Variants in TMC1 observed in about 807,000 individuals in gnomAD.
TMC1 encodes transmembrane channel-like protein 1.
TMC1 carries 84 observed loss-of-function variants against 105.8 expected under a neutral mutation model. That is an observed-to-expected ratio of 0.79 (90% CI 0.67 to 0.95). TMC1 has a LOEUF of 0.95. Ranked by LOEUF, TMC1 falls within the 40% of genes least tolerant of loss-of-function variation. The pLI is 0.00. For missense variants in TMC1, 817 were observed against 914.1 expected (o/e 0.89, Z 1.37); for synonymous variants, 315 against 311.5 (o/e 1.01, Z -0.12).
chr9:72,767,873 G>A (rs925882480), intron 12 of TMC1, among the ~76,000 whole-genome samples: 5 of 152,216 alleles, frequency 3.3e-5, no homozygotes, highest in East Asian at 1.9e-4. Flanking sequence ...ACTTCCAGAT[G>A]TCTGCTGCTG....
At chr9:72,551,298 T>C (rs553130251) in intron 1 of TMC1, among the ~76,000 whole-genome samples, 3 of 152,340 alleles carry the variant, frequency 2.0e-5, no homozygotes, top group South Asian at 4.1e-4. Flanking sequence ...AGGAAACTTA[T>C]ATAGTGGGCC....
chr9:72,760,659 AT>A (rs1388923325), intron 12 of TMC1, among the ~76,000 whole-genome samples: 5 of 152,148 alleles, frequency 3.3e-5, no homozygotes, highest in African/African-American at 1.2e-4. Context: ...GACAGACTAT[AT>A]AGAGGTAAGT....
At chr9:72,782,496 A>G (rs1828109652) in intron 13 of TMC1, among the ~76,000 whole-genome samples, 1 of 152,184 alleles carries the variant, frequency 6.6e-6, no homozygotes, top group African/African-American at 2.4e-5. Flanking sequence ...AAGGCACGCA[A>G]ATAGGAAGAG....
chr9:72,552,472 G>T (rs534452000), intron 1 of TMC1, among the ~76,000 whole-genome samples: 29 of 152,288 alleles, frequency 1.9e-4, no homozygotes, highest in Admixed American at 1.2e-3. Flanking sequence ...TGCCTGAAGT[G>T]GGGGTGGAGT....
intron 17 of TMC1, among the ~76,000 whole-genome samples, chr9:72,805,112 T>C (rs1828549267): frequency 6.6e-6 from 1 of 152,220 alleles, no homozygotes; most frequent in Non-Finnish European, 1.5e-5. Context: ...GGCCAATATT[T>C]TCCTGTTTTT....
At position 72,816,218 on chromosome 9, in the gene TMC1, A is replaced by G; in HGVS notation, c.1763+8A>G. Reference sequence around the variant, plus strand: ...CAACCAAGGCATGATCTGGTAGGCCAGCTGTTGGACAGCTTATCACTTACA... The same window carrying G: ...CAACCAAGGCATGATCTGGTAGGCCGGCTGTTGGACAGCTTATCACTTACA... On this transcript the variant is annotated splice_region_variant and intron_variant, in intron 19 of 23. Coordinates refer to ENST00000297784, the MANE Select transcript of TMC1 (RefSeq NM_138691.3). 1 of 1,613,204 alleles carries G rather than the reference A, an allele frequency of 6.2e-7. No individual in the cohort carries two copies. Among genetic ancestry groups the G allele is most frequent in the Non-Finnish European group, 8.5e-7 (1 of 1,179,198 alleles).
intron 17 of TMC1, among the ~76,000 whole-genome samples, chr9:72,797,046 A>G (rs200667950): frequency 6.6e-6 from 1 of 152,120 alleles, no homozygotes; most frequent in East Asian, 1.9e-4. Flanking sequence ...CAATGTGCAA[A>G]ATTGCTCGCA....
At chr9:72,813,149 G>GT (rs373354449) in intron 18 of TMC1, among the ~76,000 whole-genome samples, 29 of 149,348 alleles carry the variant, frequency 1.9e-4, no homozygotes, top group South Asian at 4.3e-4. Context: ...AAGAGAATCT[G>GT]TTTTTTTTTC....
intron 21 of TMC1, among the ~76,000 whole-genome samples, chr9:72,827,788 G>C (rs1399646966): frequency 1.3e-5 from 2 of 152,090 alleles, no homozygotes; most frequent in Non-Finnish European, 2.9e-5. Flanking sequence ...TCAGTCAGTG[G>C]GTAAATATTA....
At chr9:72,824,806 A>G (rs144075754) in intron 20 of TMC1, among the ~76,000 whole-genome samples, 95 of 152,338 alleles carry the variant, frequency 6.2e-4, no homozygotes, top group African/African-American at 2.0e-3. Flanking sequence ...AGTGCGCCAA[A>G]CAGGAAGACA....
At chr9:72,782,910 A>G (rs1167560129) in intron 13 of TMC1, among the ~76,000 whole-genome samples, 2 of 152,126 alleles carry the variant, frequency 1.3e-5, no homozygotes, top group East Asian at 3.8e-4. Context: ...AATACAAATA[A>G]CAGTTTTTAG....
intron 1 of TMC1, among the ~76,000 whole-genome samples, chr9:72,571,042 G>C (rs1433159704): frequency 6.7e-6 from 1 of 149,646 alleles, no homozygotes; most frequent in Non-Finnish European, 1.5e-5. Flanking sequence ...CCCAATTATG[G>C]CTGGGCATGG....
At chr9:72,544,566 A>C (rs1587947844) in intron 1 of TMC1, among the ~76,000 whole-genome samples, 1 of 136,008 alleles carries the variant, frequency 7.4e-6, no homozygotes, top group African/African-American at 2.9e-5. Context: ...TGCAACCTCC[A>C]CCTCCTGGGT....
chr9:72,798,821 C>G (rs998693702), intron 17 of TMC1, among the ~76,000 whole-genome samples: 1 of 151,796 alleles, frequency 6.6e-6, no homozygotes, highest in African/African-American at 2.4e-5. Context: ...TTCACATGTA[C>G]TACTAAACCT....
intron 8 of TMC1, among the ~76,000 whole-genome samples, chr9:72,725,385 A>G (rs993492605): frequency 5.0e-5 from 7 of 139,596 alleles, no homozygotes; most frequent in African/African-American, 1.8e-4. Flanking sequence ...ACACACACAC[A>G]TGCGTACATA....
At chr9:72,746,483 G>C (rs1827491406) in intron 10 of TMC1, among the ~76,000 whole-genome samples, 1 of 152,190 alleles carries the variant, frequency 6.6e-6, no homozygotes. Context: ...CAAAAGAGGA[G>C]CTGTTGCCTT....
intron 1 of TMC1, among the ~76,000 whole-genome samples, chr9:72,563,736 T>G (rs1824097174): frequency 6.6e-6 from 1 of 151,496 alleles, no homozygotes; most frequent in African/African-American, 2.4e-5. Flanking sequence ...CCATCTCTAC[T>G]AAAAATAAAA....
intron 1 of TMC1, among the ~76,000 whole-genome samples, chr9:72,567,159 C>T (rs890946165): frequency 6.6e-6 from 1 of 152,216 alleles, no homozygotes; most frequent in Admixed American, 6.5e-5. Flanking sequence ...GTCATTTCCC[C>T]TGGGAACATT....
At chr9:72,556,510 AG>A (rs1187734282) in intron 1 of TMC1, among the ~76,000 whole-genome samples, 7 of 151,910 alleles carry the variant, frequency 4.6e-5, no homozygotes, top group Admixed American at 3.3e-4. Flanking sequence ...GCTTGCCAAA[AG>A]CATACTCTCT....
Sources: allele counts gnomAD v4.1 joint callset (sites outside exome capture counted in the v4.1 genomes callset), GRCh38; gene constraint gnomAD v4.1.1; transcripts MANE v1.5; gene names NCBI Gene and HGNC (gene_info 2026-07-23, HGNC 2026-07-21).